The following GOLGA8A variants were observed in gnomAD, a reference collection of about 807,000 sequenced individuals.
GOLGA8A encodes the protein golgin subfamily A member 8A.
In GOLGA8A, 3 loss-of-function variants were observed where a neutral mutation model predicts 22.1. The ratio of observed to expected loss-of-function variants is 0.14; its 90% CI spans 0.06 to 0.35. The LOEUF is 0.35. Among genes scored for constraint, GOLGA8A ranks in the 10% least tolerant of loss-of-function variants. The probability of loss-of-function intolerance (pLI) is 1.00; values close to 1 mark genes in which losing one functional copy is unlikely to be tolerated. For missense variants in GOLGA8A, 16 were observed against 233.2 expected (o/e 0.07, Z 6.07); for synonymous variants, 7 against 91.7 (o/e 0.08, Z 5.28).
At chr15:34,433,234 TG>T (rs1367963102) in intron 2 of GOLGA8A, among the ~76,000 whole-genome samples, 1 of 149,014 alleles carries the variant, frequency 6.7e-6, no homozygotes. Context: ...CTGAGAGCCC[TG>T]GGACAGAGTC....
intron 1 of GOLGA8A, among the ~76,000 whole-genome samples, chr15:34,437,146 G>A (rs972342373): frequency 4.8e-5 from 7 of 147,010 alleles, no homozygotes; most frequent in African/African-American, 1.5e-4. Context: ...CCATCGCCTA[G>A]TCCCCGCCGC....
intron 2 of GOLGA8A, among the ~76,000 whole-genome samples, chr15:34,427,793 G>A (rs1442814087): frequency 6.8e-6 from 1 of 147,890 alleles, no homozygotes; most frequent in Non-Finnish European, 1.5e-5. Flanking sequence ...ATAAGCCAGG[G>A]CTCTACTCCC....
chr15:34,429,902 G>C (rs1893152996), intron 2 of GOLGA8A, among the ~76,000 whole-genome samples: 1 of 148,044 alleles, frequency 6.8e-6, no homozygotes, highest in Non-Finnish European at 1.5e-5. Context: ...TCCACTATTA[G>C]ATTAAGCCAC....
At chr15:34,420,364 C>T (rs1892748389) in intron 2 of GOLGA8A, 1 of 147,016 alleles carries the variant, frequency 6.8e-6, no homozygotes, top group Non-Finnish European at 1.5e-5. Context: ...GGGAAGATGG[C>T]CCAAGCCTGC....
chr15:34,429,285 C>T (rs1435841681), intron 2 of GOLGA8A, among the ~76,000 whole-genome samples: 14 of 146,368 alleles, frequency 9.6e-5, no homozygotes, highest in Non-Finnish European at 2.0e-4. Context: ...TTGCTCCCAA[C>T]CCACAGCAAG....
At chr15:34,431,301 A>ATATG (rs1893224829) in intron 2 of GOLGA8A, among the ~76,000 whole-genome samples, 1 of 10,874 alleles carries the variant, frequency 9.2e-5, no homozygotes, top group Non-Finnish European at 2.5e-4. Context: ...TTATATATAT[A>ATATG]TATATATATA....
chr15:34,434,060 T>C lies in GOLGA8A; in HGVS notation c.-1123+1323A>G, dbSNP rs1220081696. On this transcript the variant is annotated intron_variant, in intron 2 of 24. Transcript: ENST00000359187. The stretch of plus-strand genomic sequence containing the variant: ...AAGGGATAAGATGAAAGAGCCTACA[T>C]TCAGTTAGGATCTCCGGGATGGACA... 2.0e-5 allele frequency among the ~76,000 whole-genome samples: 3 copies of C among 148,906 alleles called. No homozygotes were observed. The East Asian group carries it at 5.9e-4, about 29-fold the overall frequency.
intron 2 of GOLGA8A, among the ~76,000 whole-genome samples, chr15:34,434,979 C>G (rs768534337): frequency 2.0e-5 from 3 of 149,668 alleles, no homozygotes; most frequent in Non-Finnish European, 4.5e-5. Flanking sequence ...CGAAGACATT[C>G]AAGCCACCCA....
chr15:34,419,872 T>C (rs1409631856), intron 2 of GOLGA8A: 2 of 131,754 alleles, frequency 1.5e-5, no homozygotes, highest in Non-Finnish European at 3.2e-5. Flanking sequence ...AGACAAATGA[T>C]TGTATGATTT....
intron 2 of GOLGA8A, chr15:34,416,798 C>CAAA (rs1370201538): frequency 1.6e-5 from 1 of 63,072 alleles, no homozygotes; most frequent in Non-Finnish European, 2.8e-5. Flanking sequence ...GACATTGTCT[C>CAAA]AAAAAATAAA....
In GOLGA8A at chr15:34,433,360, G is replaced by A. The variant is rs187624482; in HGVS notation, c.-1123+2023C>T. On this transcript the variant is annotated intron_variant, in intron 2 of 24. Transcript: ENST00000359187. ...ACATCCGAGGTGACTGCAGGGAGACGCAGCGCTGACTTTGGCAGCAGGGAC... is the reference window on the plus strand; with the variant it reads ...ACATCCGAGGTGACTGCAGGGAGACACAGCGCTGACTTTGGCAGCAGGGAC... Among the ~76,000 whole-genome samples the A allele has an allele frequency of 4.7e-3, 696 of 149,218 alleles. 51 individuals are homozygous for A. Among genetic ancestry groups the A allele is most frequent in the Middle Eastern group, 6.8e-3 (2 of 294 alleles).
At position 34,437,519 on chromosome 15, in the gene GOLGA8A, T is replaced by G. The variant is rs1267275793; in HGVS notation, c.-1333A>C. 2 of 11,730 alleles carry G rather than the reference T, an allele frequency of 1.7e-4. No individual in the cohort carries two copies. Among genetic ancestry groups the G allele is most frequent in the Admixed American group, 1.7e-3 (2 of 1,174 alleles). 0.7% of individuals were successfully genotyped at this position (11,730 alleles called of 1,614,324 possible). ...CGCCGCCGTCCTCGCCGCGCCGCCG[T>G]CCTCGCCGCGCCGCCGTCCTCGCCG... On this transcript the variant is annotated 5_prime_UTR_variant, in exon 1 of 25. Coordinates refer to ENST00000359187, the MANE Select transcript of GOLGA8A (RefSeq NM_181077.5).
intron 1 of GOLGA8A, among the ~76,000 whole-genome samples, chr15:34,435,846 G>A (rs958052941): frequency 6.7e-6 from 1 of 149,116 alleles, no homozygotes; most frequent in African/African-American, 2.5e-5. Context: ...GCCCACCGAG[G>A]GCTGCCAGCA....
At position 34,427,890 on chromosome 15, in the gene GOLGA8A, G is replaced by C. The variant is rs773217020; in HGVS notation, c.-1123+7493C>G. ...GCCTCTCTTCCTGGAATAACTAACA[G>C]TCTCTCACCATCCCCACTCCCACTG... On this transcript the variant is annotated intron_variant, in intron 2 of 24. Coordinates refer to ENST00000359187, the MANE Select transcript of GOLGA8A (RefSeq NM_181077.5). Among the ~76,000 whole-genome samples, 377 of 148,046 alleles carry C rather than the reference G, an allele frequency of 2.5e-3. 20 individuals carry two copies. The highest frequency in any genetic ancestry group is 5.7e-3 in the South Asian group (26 of 4,548).
intron 2 of GOLGA8A, among the ~76,000 whole-genome samples, chr15:34,421,331 A>G (rs1892789649): frequency 1.4e-5 from 2 of 142,624 alleles, no homozygotes; most frequent in African/African-American, 5.1e-5. Context: ...CAGTCCACTC[A>G]CTCGAAATAA....
intron 2 of GOLGA8A, among the ~76,000 whole-genome samples, chr15:34,421,084 G>A (rs1434629610): frequency 8.7e-5 from 12 of 137,818 alleles, no homozygotes; most frequent in Non-Finnish European, 1.6e-5. Flanking sequence ...CAACAACTCT[G>A]CCCTCCATAC....
In GOLGA8A at chr15:34,434,324, C is replaced by T. The variant is rs1286580406; in HGVS notation, c.-1123+1059G>A. ...AACTTGCAGACTCAGGGGTACCCCACAGCCCAACCTGGGAAACCTCACAGC... is the reference window on the plus strand; with the variant it reads ...AACTTGCAGACTCAGGGGTACCCCATAGCCCAACCTGGGAAACCTCACAGC... On this transcript the variant is annotated intron_variant, in intron 2 of 24. Transcript: ENST00000359187. Among the ~76,000 whole-genome samples the T allele has an allele frequency of 2.0e-5, 3 of 149,688 alleles. 1 individual carries two copies. Among genetic ancestry groups the T allele is most frequent in the African/African-American group, 7.4e-5 (3 of 40,584 alleles).
chr15:34,404,602 A>C, intron 5 of GOLGA8A, among the ~76,000 whole-genome samples: 1 of 116,384 alleles, frequency 8.6e-6, no homozygotes, highest in African/African-American at 3.0e-5. Flanking sequence ...GTGAGACCCC[A>C]TCTCTACTAA....
intron 2 of GOLGA8A, among the ~76,000 whole-genome samples, chr15:34,426,718 A>G (rs1351278542): frequency 6.9e-6 from 1 of 144,096 alleles, no homozygotes; most frequent in East Asian, 2.2e-4. Context: ...CAGAGATACA[A>G]GATAATTGCG....
Sources: gnomAD v4.1 joint callset for allele counts (sites outside exome capture counted in the v4.1 genomes callset) on GRCh38, gnomAD v4.1.1 for gene constraint, MANE v1.5 for transcripts, NCBI Gene and HGNC (gene_info 2026-07-23, HGNC 2026-07-21) for gene names.